The following ADAMTSL3 variants were observed in gnomAD, a reference collection of about 807,000 sequenced individuals.
ADAMTSL3 encodes ADAMTS-like protein 3.
Under a neutral mutation model 201.7 loss-of-function variants are expected in ADAMTSL3, and 128 were observed. The ratio of observed to expected loss-of-function variants is 0.63; its 90% CI spans 0.55 to 0.73. The LOEUF (loss-of-function observed/expected upper bound fraction) is 0.73. ADAMTSL3 is among the 30% of genes least tolerant of loss of function. The probability of loss-of-function intolerance (pLI) is 0.00; values close to 1 mark genes in which losing one functional copy is unlikely to be tolerated. For missense variants in ADAMTSL3, 1,990 were observed against 2,119.6 expected, an observed-to-expected ratio of 0.94 and a Z score of 1.20; for synonymous variants, 738 against 748.4, an observed-to-expected ratio of 0.99 and a Z score of 0.23.
chr15:83,821,177 T>A (rs1033308416), intron 6 of ADAMTSL3, among the ~76,000 whole-genome samples: 8 of 150,908 alleles, frequency 5.3e-5, no homozygotes, highest in Non-Finnish European at 8.9e-5. Context: ...TGAAAAATAT[T>A]TTTTTTTTTC....
chr15:84,026,577 A>G (rs2068311971), intron 27 of ADAMTSL3, among the ~76,000 whole-genome samples: 1 of 152,206 alleles, frequency 6.6e-6, no homozygotes, highest in Non-Finnish European at 1.5e-5. Flanking sequence ...TCAAGATAGT[A>G]TGGTACTGAC....
chr15:83,714,761 CTCTT>C (rs767607321), intron 3 of ADAMTSL3, among the ~76,000 whole-genome samples: 472 of 41,490 alleles, frequency 0.011, 56 homozygotes, highest in Admixed American at 0.015. Flanking sequence ...CTTCCCTTTT[CTCTT>C]TCTTTCTTTC....
intron 2 of ADAMTSL3, among the ~76,000 whole-genome samples, chr15:83,701,302 C>G (rs2061774074): frequency 6.6e-6 from 1 of 152,168 alleles, no homozygotes; most frequent in Non-Finnish European, 1.5e-5. Context: ...AAACCCTCTA[C>G]CTCCTCAGTC....
At chr15:83,658,570 C>T (rs2061123088) in intron 2 of ADAMTSL3, among the ~76,000 whole-genome samples, 1 of 152,240 alleles carries the variant, frequency 6.6e-6, no homozygotes, top group Non-Finnish European at 1.5e-5. Flanking sequence ...TTCCCCTCAT[C>T]CAGGCAGCTG....
At chr15:83,768,335 A>C (rs923109765) in intron 3 of ADAMTSL3, among the ~76,000 whole-genome samples, 2 of 152,176 alleles carry the variant, frequency 1.3e-5, no homozygotes, top group Admixed American at 1.3e-4. Context: ...TTTAACTATT[A>C]TGTGATGCTG....
chr15:83,941,397 CA>C (rs2066557638), intron 17 of ADAMTSL3, among the ~76,000 whole-genome samples: 1 of 151,542 alleles, frequency 6.6e-6, no homozygotes, highest in African/African-American at 2.4e-5. Flanking sequence ...TAATAAAAAT[CA>C]GAGAAAAAAT....
Position 84,036,847 on chromosome 15 carries a change from C to T in ADAMTSL3, c.4829C>T (p.Thr1610Ile), listed in dbSNP as rs759276862. ...CACACAGGCCCTTGGAAGCCCTGTA[C>T]AGCAGCCTGTGGCAGGGGTTTCCAG... Reference protein sequence around the residue: ...CWHTGPWKPCTAACGRGFQSR... With the variant: ...CWHTGPWKPCIAACGRGFQSR... Residue 1610 changes from threonine (T) to isoleucine (I), a missense_variant, in exon 29 of 30, where the codon ACA (threonine) becomes ATA (isoleucine). Transcript: ENST00000286744. The T allele has an allele frequency of 1.2e-5, 20 of 1,613,948 alleles. No homozygotes were observed. In the Middle Eastern group the frequency reaches 4.9e-4, roughly 40 times the overall value.
intron 28 of ADAMTSL3, among the ~76,000 whole-genome samples, chr15:84,032,167 TATC>T (rs1272705189): frequency 6.6e-6 from 1 of 152,232 alleles, no homozygotes; most frequent in Non-Finnish European, 1.5e-5. Flanking sequence ...AGTGGGATAT[TATC>T]ATCCATGTGA....
chr15:83,711,182 G>C (rs540747681), intron 3 of ADAMTSL3, among the ~76,000 whole-genome samples: 9 of 152,096 alleles, frequency 5.9e-5, no homozygotes, highest in African/African-American at 2.2e-4. Context: ...TTTGCTGTGA[G>C]TACATCTCTC....
chr15:83,673,797 A>T (rs1236767698), intron 2 of ADAMTSL3, among the ~76,000 whole-genome samples: 1 of 152,234 alleles, frequency 6.6e-6, no homozygotes, highest in East Asian at 1.9e-4. Context: ...ACAATCCCTG[A>T]TAAGGTCAAG....
At chr15:83,794,888 C>T (rs1281618673) in intron 4 of ADAMTSL3, among the ~76,000 whole-genome samples, 4 of 152,002 alleles carry the variant, frequency 2.6e-5, no homozygotes, top group Admixed American at 2.6e-4. Flanking sequence ...AGTCTCACTC[C>T]GTTGTCCAGG....
At chr15:83,693,045 A>G (rs747270046) in intron 2 of ADAMTSL3, among the ~76,000 whole-genome samples, 2 of 152,136 alleles carry the variant, frequency 1.3e-5, no homozygotes, top group African/African-American at 4.8e-5. Flanking sequence ...CAAATTGGGA[A>G]GAGCTGGTAA....
At chr15:83,790,823 A>G (rs2141824258) in intron 4 of ADAMTSL3, among the ~76,000 whole-genome samples, 1 of 152,346 alleles carries the variant, frequency 6.6e-6, no homozygotes, top group South Asian at 2.1e-4. Flanking sequence ...ATACAAAATA[A>G]AAATACAGAA....
intron 6 of ADAMTSL3, among the ~76,000 whole-genome samples, chr15:83,825,761 G>A (rs2064008325): frequency 6.6e-6 from 1 of 152,082 alleles, no homozygotes; most frequent in Non-Finnish European, 1.5e-5. Context: ...ATGACAAGCA[G>A]AAGGGACAGG....
intron 17 of ADAMTSL3, among the ~76,000 whole-genome samples, chr15:83,938,521 A>G (rs1333812322): frequency 6.6e-6 from 1 of 152,210 alleles, no homozygotes; most frequent in Admixed American, 6.5e-5. Flanking sequence ...GCATCTCAAT[A>G]AAGCTGTCAT....
intron 9 of ADAMTSL3, among the ~76,000 whole-genome samples, chr15:83,880,514 A>G (rs1190205036): frequency 6.6e-6 from 1 of 152,230 alleles, no homozygotes; most frequent in Non-Finnish European, 1.5e-5. Context: ...AATGTTTACT[A>G]TCTGGCTCTT....
At chr15:83,910,370 A>C (rs2065908985) in intron 15 of ADAMTSL3, among the ~76,000 whole-genome samples, 1 of 150,874 alleles carries the variant, frequency 6.6e-6, no homozygotes, top group South Asian at 2.1e-4. Flanking sequence ...TCAGAATTGT[A>C]TGAACACTAT....
intron 5 of ADAMTSL3, among the ~76,000 whole-genome samples, chr15:83,811,640 C>T (rs989206223): frequency 1.3e-5 from 2 of 152,146 alleles, no homozygotes; most frequent in African/African-American, 4.8e-5. Context: ...AATTTATGGT[C>T]CCTCTGGGAG....
chr15:83,812,505 G>GT (rs1305589833), intron 5 of ADAMTSL3, among the ~76,000 whole-genome samples: 1 of 152,200 alleles, frequency 6.6e-6, no homozygotes, highest in African/African-American at 2.4e-5. Flanking sequence ...TAAAAGCCCT[G>GT]TATTAAGGGA....
Sources: gnomAD v4.1 joint callset for allele counts (sites outside exome capture counted in the v4.1 genomes callset) on GRCh38, gnomAD v4.1.1 for gene constraint, MANE v1.5 for transcripts, NCBI Gene and HGNC (gene_info 2026-07-23, HGNC 2026-07-21) for gene names.